The following SNAP91 variants were observed in gnomAD, a reference collection of about 807,000 sequenced individuals.
The protein encoded by SNAP91 is synaptosome associated protein 91, also known as clathrin coat assembly protein AP180.
A neutral mutation model predicts 100.3 loss-of-function variants in SNAP91; 27 were observed. That is an observed-to-expected ratio of 0.27 (90% CI 0.20 to 0.37). SNAP91 has a LOEUF of 0.37. SNAP91 is among the 10% of genes least tolerant of loss of function. The probability of loss-of-function intolerance (pLI) is 1.00; values close to 1 mark genes in which losing one functional copy is unlikely to be tolerated. For missense variants in SNAP91, 986 were observed against 1,123.7 expected (o/e 0.88, Z 1.75); for synonymous variants, 404 against 398.6 (o/e 1.01, Z -0.16).
rs1829592911 is a variant in SNAP91 at position 83,582,312 on chromosome 6, G to C, written c.2059C>G (p.Pro687Ala). The stretch of plus-strand genomic sequence containing the variant: ...GGCTGTAGCAGGTTATTCTGAGCTG[G>C]AGTCACTGGAGATGGGGAAGGCGCC... ...FMAPSPSPVT[P>A]AQNNLLQPNF... The change falls in exon 23 of 30, where the codon CCA becomes GCA. Residue 687 changes from proline to alanine, a missense_variant. By Grantham distance (27) the Pro-to-Ala change is conservative. Coordinates refer to ENST00000369694, the MANE Select transcript of SNAP91 (RefSeq NM_001242792.2). 1 of 1,613,586 alleles carries C rather than the reference G, an allele frequency of 6.2e-7. No homozygotes were observed. Among genetic ancestry groups the C allele is most frequent in the African/African-American group, 1.3e-5 (1 of 74,960 alleles).
chr6:83,644,547 T>C (rs1005430165), intron 7 of SNAP91, among the ~76,000 whole-genome samples: 1 of 152,240 alleles, frequency 6.6e-6, no homozygotes, highest in Non-Finnish European at 1.5e-5. Flanking sequence ...TTCATGTTTG[T>C]GACATGAACC....
At chr6:83,581,119 T>C (rs1827801352) in intron 23 of SNAP91, among the ~76,000 whole-genome samples, 1 of 152,198 alleles carries the variant, frequency 6.6e-6, no homozygotes, top group African/African-American at 2.4e-5. Flanking sequence ...AATAATTTAC[T>C]CTGAAAACCT....
At chr6:83,644,291 G>A (rs1282880150) in intron 7 of SNAP91, among the ~76,000 whole-genome samples, 1 of 151,918 alleles carries the variant, frequency 6.6e-6, no homozygotes, top group Admixed American at 6.6e-5. Flanking sequence ...AAAAGCACTC[G>A]ATCATTGTGG....
intron 22 of SNAP91, 25 bp downstream of exon 22, chr6:83,591,186 C>T: frequency 6.8e-7 from 1 of 1,471,868 alleles, no homozygotes; most frequent in Non-Finnish European, 9.5e-7. Flanking sequence ...TTAACTTCTA[C>T]AAAATACCAT....
rs369939656 is a variant in SNAP91, at chr6:83,665,523, G to A, written c.189C>T (p.Leu63=). The change falls in exon 3 of 30, where the codon CTC becomes CTT. Residue 63 remains leucine (L), a synonymous_variant. Transcript: ENST00000369694. ...AGCTACTGTTTGTTGCCCGCTCAAA[G>A]AGAGTGTCGGCCATCTGAGGAATAT... ...NVNIPQMADT[L]FERATNSSWV... is the part of the protein sequence containing the mutation. 1.9e-6 allele frequency: 3 copies of A among 1,612,948 alleles called. No homozygotes were observed. The highest frequency in any genetic ancestry group is 1.1e-5 in the South Asian group (1 of 91,038).
intron 26 of SNAP91, among the ~76,000 whole-genome samples, chr6:83,565,191 C>T (rs566711580): frequency 6.6e-6 from 1 of 151,762 alleles, no homozygotes; most frequent in Non-Finnish European, 1.5e-5. Flanking sequence ...CCTTTTCAGG[C>T]TTCAGTACAT....
At chr6:83,676,638 T>C (rs1317711367) in intron 2 of SNAP91, among the ~76,000 whole-genome samples, 5 of 152,188 alleles carry the variant, frequency 3.3e-5, no homozygotes, top group Admixed American at 3.3e-4. Flanking sequence ...CTGTGCATTA[T>C]AGCATTATAG....
intron 11 of SNAP91, among the ~76,000 whole-genome samples, chr6:83,614,510 T>C (rs1193834510): frequency 2.0e-5 from 3 of 152,186 alleles, no homozygotes; most frequent in Admixed American, 6.5e-5. Context: ...ATTTTCTTTA[T>C]AAATTTGTCT....
chr6:83,662,783 A>G (rs1484137329), intron 3 of SNAP91, among the ~76,000 whole-genome samples: 3 of 152,162 alleles, frequency 2.0e-5, no homozygotes, highest in Non-Finnish European at 4.4e-5. Flanking sequence ...AAATAATTTT[A>G]TTGTTCCTTC....
chr6:83,565,575 G>C (rs756539029), intron 26 of SNAP91, among the ~76,000 whole-genome samples: 1 of 152,176 alleles, frequency 6.6e-6, no homozygotes, highest in South Asian at 2.1e-4. Context: ...ATTTGTCTTT[G>C]ATCAGTCCAA....
Position 83,573,639 on chromosome 6 carries a change from C to A in SNAP91, c.2442+1371G>T, listed in dbSNP as rs1437449784. Among the ~76,000 whole-genome samples the A allele has an allele frequency of 6.7e-4, 101 of 151,826 alleles. 1 individual carries two copies. The highest frequency in any genetic ancestry group is 2.0e-3 in the African/African-American group (82 of 41,510). ...ATGGAACAGAACAGAGCCCTCAGAA[C>A]TAATGCCACATATCTACAACTATCT... On this transcript the variant is annotated intron_variant, in intron 26 of 29. Coordinates refer to ENST00000369694, the MANE Select transcript of SNAP91 (RefSeq NM_001242792.2).
At chr6:83,661,682 T>A (rs2098545799) in intron 4 of SNAP91, 78 bp from the exon 5 acceptor site, 1 of 733,890 alleles carries the variant, frequency 1.4e-6, no homozygotes, top group Non-Finnish European at 2.2e-6. Flanking sequence ...TATTTTTTTT[T>A]AACTCTCTAA....
intron 8 of SNAP91, among the ~76,000 whole-genome samples, chr6:83,640,201 G>T (rs1029596386): frequency 6.6e-6 from 1 of 152,068 alleles, no homozygotes; most frequent in Non-Finnish European, 1.5e-5. Flanking sequence ...TTACTTCTAT[G>T]AATAAAAGAT....
At position 83,686,552 on chromosome 6, in the gene SNAP91, C is replaced by A. The variant is rs185430703; in HGVS notation, c.131-20971G>T. Reference sequence around the variant, plus strand: ...GCTAATAAATTACTGAAATTTAGGGCCCAATTTGGGCCCAGGCCACTATAT... The same window carrying A: ...GCTAATAAATTACTGAAATTTAGGGACCAATTTGGGCCCAGGCCACTATAT... On this transcript the variant is annotated intron_variant, in intron 2 of 29. Coordinates refer to ENST00000369694, the MANE Select transcript of SNAP91 (RefSeq NM_001242792.2). Among the ~76,000 whole-genome samples, 283 of 152,272 alleles carry A rather than the reference C, an allele frequency of 1.9e-3. 1 individual carries two copies. The highest frequency in any genetic ancestry group is 5.9e-3 in the African/African-American group (247 of 41,558).
At chr6:83,575,448 T>C in intron 25 of SNAP91, 1 of 293,312 alleles carries the variant, frequency 3.4e-6, no homozygotes, top group Non-Finnish European at 6.3e-6. Flanking sequence ...TCATATATAC[T>C]GTACACTTCG....
intron 1 of SNAP91, chr6:83,708,412 G>A (rs1404990375): frequency 6.4e-6 from 1 of 156,664 alleles, no homozygotes; most frequent in Non-Finnish European, 1.4e-5. Flanking sequence ...GAATGCATCG[G>A]ATACCCAAGC....
chr6:83,570,548 C>CG (rs1805071633), intron 26 of SNAP91, among the ~76,000 whole-genome samples: 9 of 74,604 alleles, frequency 1.2e-4, no homozygotes, highest in African/African-American at 7.1e-4. Context: ...TGGAGGTTTA[C>CG]GGGGTGGCGG....
intron 2 of SNAP91, among the ~76,000 whole-genome samples, chr6:83,693,462 T>C (rs2099157468): frequency 6.6e-6 from 1 of 152,188 alleles, no homozygotes; most frequent in African/African-American, 2.4e-5. Flanking sequence ...AAAAATTATT[T>C]TAAATTGAAA....
chr6:83,617,465 CTA>C (rs1205080458), intron 9 of SNAP91, among the ~76,000 whole-genome samples: 7 of 151,742 alleles, frequency 4.6e-5, no homozygotes, highest in Non-Finnish European at 1.0e-4. Flanking sequence ...TCTCACTTAT[CTA>C]TGTTTGTCTG....
Sources: gnomAD v4.1 joint callset for allele counts (sites outside exome capture counted in the v4.1 genomes callset) on GRCh38, gnomAD v4.1.1 for gene constraint, MANE v1.5 for transcripts, NCBI Gene and HGNC (gene_info 2026-07-23, HGNC 2026-07-21) for gene names.